SNX9: variants seen among roughly 807,000 people sequenced by gnomAD.
SNX9 encodes the protein sorting nexin-9.
A neutral mutation model predicts 89.4 loss-of-function variants in SNX9; 44 were observed. The ratio of observed to expected loss-of-function variants is 0.49; its 90% CI spans 0.39 to 0.63. SNX9 has a LOEUF of 0.63. Ranked by LOEUF, SNX9 falls within the 30% of genes least tolerant of loss-of-function variation. The probability of loss-of-function intolerance (pLI) is 0.00; values close to 1 mark genes in which losing one functional copy is unlikely to be tolerated. For synonymous variants in SNX9, 236 were observed against 247.8 expected (o/e 0.95, Z 0.45); for missense variants, 578 against 736.1 (o/e 0.79, Z 2.49).
At chr6:157,858,316 G>A (rs1026016364) in intron 1 of SNX9, among the ~76,000 whole-genome samples, 5 of 149,292 alleles carry the variant, frequency 3.3e-5, no homozygotes, top group African/African-American at 1.2e-4. Flanking sequence ...GCGCAATCTC[G>A]GCTCACCGCA....
chr6:157,852,696 C>T (rs1461866604), intron 1 of SNX9, among the ~76,000 whole-genome samples: 1 of 152,134 alleles, frequency 6.6e-6, no homozygotes, highest in Non-Finnish European at 1.5e-5. Context: ...CCCACTTCTA[C>T]CTGCCAAGTA....
intron 4 of SNX9, among the ~76,000 whole-genome samples, chr6:157,891,723 TGGATG>T (rs1342237698): frequency 5.3e-5 from 8 of 152,170 alleles, no homozygotes; most frequent in African/African-American, 9.7e-5. Flanking sequence ...AGGAGGCGGC[TGGATG>T]TCAGCCAGCA....
At chr6:157,922,149 C>T (rs1201177905) in intron 10 of SNX9, among the ~76,000 whole-genome samples, 1 of 152,156 alleles carries the variant, frequency 6.6e-6, no homozygotes, top group Admixed American at 6.5e-5. Flanking sequence ...CAGTGCTGGC[C>T]TCTCTCTCTG....
At chr6:157,858,987 T>A (rs150361615) in intron 1 of SNX9, among the ~76,000 whole-genome samples, 2 of 152,322 alleles carry the variant, frequency 1.3e-5, no homozygotes, top group East Asian at 3.9e-4. Context: ...TATCACATAC[T>A]CTCCATTTTT....
At chr6:157,836,936 G>A (rs1309774793) in intron 1 of SNX9, among the ~76,000 whole-genome samples, 1 of 152,118 alleles carries the variant, frequency 6.6e-6, no homozygotes, top group East Asian at 1.9e-4. Context: ...TGATGCTGCT[G>A]GTCTAGGGAC....
At chr6:157,877,820 T>C (rs1000714216) in intron 4 of SNX9, among the ~76,000 whole-genome samples, 1 of 152,160 alleles carries the variant, frequency 6.6e-6, no homozygotes, top group African/African-American at 2.4e-5. Context: ...GTCTCTTTAC[T>C]CATCTTAGCA....
Position 157,833,083 on chromosome 6 carries a change from A to G in SNX9, c.12+9637A>G, listed in dbSNP as rs116022207. ...CTAGGACAGTTGACATTCAGATATT[A>G]ATGAATTGGTGTATTTAAAATGTGC... On this transcript the variant is annotated intron_variant, in intron 1 of 17. Coordinates refer to ENST00000392185, the MANE Select transcript of SNX9 (RefSeq NM_016224.5). Among the ~76,000 whole-genome samples, 1,154 of 152,274 alleles carry G rather than the reference A, an allele frequency of 7.6e-3. 17 individuals are homozygous for G. The highest frequency in any genetic ancestry group is 0.027 in the African/African-American group (1,105 of 41,542).
chr6:157,897,543 C>T (rs973539384), intron 5 of SNX9, among the ~76,000 whole-genome samples: 9 of 152,038 alleles, frequency 5.9e-5, no homozygotes, highest in African/African-American at 1.9e-4. Context: ...GTTTTGCTCT[C>T]GTTGCCCAGG....
At chr6:157,894,112 T>C (rs1429121770) in intron 4 of SNX9, among the ~76,000 whole-genome samples, 4 of 137,786 alleles carry the variant, frequency 2.9e-5, no homozygotes, top group East Asian at 2.0e-4. Context: ...TTTTCTTTTT[T>C]TTTTTTTTTT....
intron 1 of SNX9, among the ~76,000 whole-genome samples, chr6:157,827,802 T>C (rs1405453573): frequency 6.6e-6 from 1 of 151,340 alleles, no homozygotes; most frequent in Admixed American, 6.6e-5. Flanking sequence ...ATTTGGATCC[T>C]TTTGTGCTTA....
chr6:157,920,534 A>G (rs1783562554), intron 9 of SNX9, among the ~76,000 whole-genome samples: 1 of 152,196 alleles, frequency 6.6e-6, no homozygotes, highest in Non-Finnish European at 1.5e-5. Flanking sequence ...GGGAGACAGG[A>G]GCAGCCTCCC....
intron 4 of SNX9, among the ~76,000 whole-genome samples, chr6:157,880,257 TAA>T (rs1304207282): frequency 6.6e-6 from 1 of 152,216 alleles, no homozygotes; most frequent in Non-Finnish European, 1.5e-5. Context: ...GCCACCAATA[TAA>T]AGTAGTGCCG....
chr6:157,850,122 A>T (rs1389899019), intron 1 of SNX9, among the ~76,000 whole-genome samples: 1 of 152,070 alleles, frequency 6.6e-6, no homozygotes, highest in African/African-American at 2.4e-5. Flanking sequence ...AGGGGAGGAG[A>T]GTGTTTCAAG....
chr6:157,925,920 G>A (rs2115197736), intron 10 of SNX9, among the ~76,000 whole-genome samples: 1 of 152,316 alleles, frequency 6.6e-6, no homozygotes, highest in South Asian at 2.1e-4. Flanking sequence ...TTTGCTGTCT[G>A]GTGAGGGCTG....
Position 157,909,647 on chromosome 6 carries a change from T to C in SNX9, c.706-18T>C. ...TTTCCATGTAACAAAATTACTTCTT[T>C]CTGGAACATTGGCATAGGTTGGAGA... On this transcript the variant is annotated intron_variant, in intron 7 of 17. Transcript: ENST00000392185. 6.2e-7 allele frequency: 1 copy of C among 1,607,022 alleles called. No individual in the cohort carries two copies. Among genetic ancestry groups the C allele is most frequent in the Non-Finnish European group, 8.5e-7 (1 of 1,178,126 alleles).
intron 1 of SNX9, among the ~76,000 whole-genome samples, chr6:157,828,500 A>T (rs984930263): frequency 6.7e-5 from 10 of 148,932 alleles, no homozygotes; most frequent in South Asian, 2.1e-4. Context: ...GATTATTATT[A>T]TTTTTTTTTT....
chr6:157,831,193 GT>G (rs1190786936), intron 1 of SNX9, among the ~76,000 whole-genome samples: 1 of 152,114 alleles, frequency 6.6e-6, no homozygotes, highest in African/African-American at 2.4e-5. Context: ...ATGGTGCTTT[GT>G]TTTCTTGTGT....
intron 2 of SNX9, 193 bp from the exon 3 acceptor site, chr6:157,872,909 G>T: frequency 2.3e-6 from 1 of 434,728 alleles, no homozygotes; most frequent in East Asian, 3.5e-5. Flanking sequence ...GATTTTTCTT[G>T]TTTTTAGGTT....
At chr6:157,925,347 T>C (rs1318589942) in intron 10 of SNX9, among the ~76,000 whole-genome samples, 1 of 152,100 alleles carries the variant, frequency 6.6e-6, no homozygotes, top group African/African-American at 2.4e-5. Flanking sequence ...CCATACCAAG[T>C]GTCATCTTGG....
Sources: allele counts gnomAD v4.1 joint callset (sites outside exome capture counted in the v4.1 genomes callset), GRCh38; gene constraint gnomAD v4.1.1; transcripts MANE v1.5; gene names NCBI Gene and HGNC (gene_info 2026-07-23, HGNC 2026-07-21).